SPACDR: variants seen among roughly 807,000 people sequenced by gnomAD.
SPACDR encodes sperm acrosome developmental regulator.
At chr7:100,464,122 C>G in the SPACDR span, 2 of 1,543,058 alleles carry the variant, frequency 1.3e-6, no homozygotes, top group Non-Finnish European at 1.7e-6. Flanking sequence ...GGGCCGGTGA[C>G]CACCTCTTGA....
the SPACDR span, among the ~76,000 whole-genome samples, chr7:100,457,468 G>A: frequency 6.0e-5 from 9 of 148,944 alleles, no homozygotes; most frequent in Admixed American, 2.7e-4. Flanking sequence ...ACAGGTGCTC[G>A]CTATCACGCC....
At chr7:100,457,054 C>G in the SPACDR span, 2 of 1,144,802 alleles carry the variant, frequency 1.7e-6, no homozygotes, top group South Asian at 3.0e-5. Context: ...GCTAGAACGA[C>G]CCATAGATAA....
chr7:100,457,841 GTATATATA>G, the SPACDR span, among the ~76,000 whole-genome samples: 3 of 85,102 alleles, frequency 3.5e-5, no homozygotes, highest in African/African-American at 1.5e-4. Flanking sequence ...GTGTGTGTGT[GTATATATA>G]TATATATATT....
At chr7:100,457,604 C>T in the SPACDR span, among the ~76,000 whole-genome samples, 245 of 148,240 alleles carry the variant, frequency 1.7e-3, no homozygotes, top group Non-Finnish European at 3.0e-3. Flanking sequence ...CAGGCGTGAG[C>T]CACCATGCCT....
At chr7:100,464,231 C>G in the SPACDR span, 7 of 1,443,320 alleles carry the variant, frequency 4.8e-6, no homozygotes, top group South Asian at 1.0e-4. Flanking sequence ...TTTCTCCCCT[C>G]CCTGGGACAG....
the SPACDR span, among the ~76,000 whole-genome samples, chr7:100,461,854 G>C: frequency 2.0e-5 from 3 of 151,686 alleles, no homozygotes; most frequent in Admixed American, 6.6e-5. Flanking sequence ...TTAGCTGGGC[G>C]TGGTGGCGGG....
At chr7:100,459,309 C>A in the SPACDR span, among the ~76,000 whole-genome samples, 1 of 147,590 alleles carries the variant, frequency 6.8e-6, no homozygotes, top group Non-Finnish European at 1.5e-5. Context: ...CGTGCCCGGC[C>A]TTTATTTTTT....
chr7:100,463,052 C>T, the SPACDR span, among the ~76,000 whole-genome samples: 3 of 148,846 alleles, frequency 2.0e-5, no homozygotes, highest in African/African-American at 2.5e-5. Flanking sequence ...TGCAGTGAGC[C>T]GAGATCACGC....
the SPACDR span, among the ~76,000 whole-genome samples, chr7:100,459,806 G>A: frequency 6.6e-6 from 1 of 152,020 alleles, no homozygotes; most frequent in Non-Finnish European, 1.5e-5. Context: ...GGGTTTGAAG[G>A]TATCACAGTT....
At chr7:100,463,566 G>A in the SPACDR span, 1 of 1,614,016 alleles carries the variant, frequency 6.2e-7, no homozygotes, top group Non-Finnish European at 8.5e-7. Context: ...TCTTTTGGGA[G>A]CTCGACCAAC....
chr7:100,459,001 C>CT, the SPACDR span, among the ~76,000 whole-genome samples: 3,855 of 135,244 alleles, frequency 0.029, 231 homozygotes, highest in African/African-American at 0.09. Context: ...TCCTTTTTAC[C>CT]TTTTTTTTTT....
the SPACDR span, among the ~76,000 whole-genome samples, chr7:100,460,427 C>T: frequency 7.9e-5 from 12 of 151,950 alleles, no homozygotes; most frequent in Admixed American, 7.9e-4. Context: ...TCTGTCTCTA[C>T]TAAAAATACA....
At chr7:100,457,505 G>T in the SPACDR span, among the ~76,000 whole-genome samples, 1 of 151,208 alleles carries the variant, frequency 6.6e-6, no homozygotes, top group Admixed American at 6.6e-5. Flanking sequence ...TTTTAGTAGA[G>T]AAGGGGTTTC....
the SPACDR span, among the ~76,000 whole-genome samples, chr7:100,459,653 C>T: frequency 6.6e-6 from 1 of 151,890 alleles, no homozygotes; most frequent in East Asian, 1.9e-4. Flanking sequence ...TTTGCAGATA[C>T]GGGGTCTCAC....
chr7:100,464,092 T>TGGGGGGGGGGGGGGG, the SPACDR span: 1 of 127,752 alleles, frequency 7.8e-6, no homozygotes, highest in Non-Finnish European at 1.2e-5. Context: ...GGGTGGCGGG[T>TGGGGGGGGGGGGGGG]GGGGGATGGG....
chr7:100,462,507 C>T, the SPACDR span, among the ~76,000 whole-genome samples: 4 of 147,518 alleles, frequency 2.7e-5, no homozygotes, highest in African/African-American at 1.0e-4. Context: ...GCCACCGTGC[C>T]CGGCCAGAAA....
chr7:100,460,522 C>A, the SPACDR span, among the ~76,000 whole-genome samples: 1 of 151,310 alleles, frequency 6.6e-6, no homozygotes, highest in Non-Finnish European at 1.5e-5. Flanking sequence ...ACCTGGCAGG[C>A]AGAGGTTGCA....
the SPACDR span, among the ~76,000 whole-genome samples, chr7:100,457,571 G>A: frequency 1.2e-3 from 179 of 149,766 alleles, 1 homozygote; most frequent in East Asian, 0.03. Context: ...AGCCGGCCTC[G>A]GCCTCCCAAA....
chr7:100,460,181 G>A, the SPACDR span, among the ~76,000 whole-genome samples: 2 of 151,944 alleles, frequency 1.3e-5, no homozygotes, highest in African/African-American at 2.4e-5. Flanking sequence ...GAGCCACTGC[G>A]CCTGGCCTCA....
Sources: gnomAD v4.1 joint callset for allele counts (sites outside exome capture counted in the v4.1 genomes callset) on GRCh38, gnomAD v4.1.1 for gene constraint, MANE v1.5 for transcripts, NCBI Gene and HGNC (gene_info 2026-07-23, HGNC 2026-07-21) for gene names.